AXL: variants seen among roughly 807,000 people sequenced by gnomAD.
AXL encodes tyrosine-protein kinase receptor UFO.
A neutral mutation model predicts 104.5 loss-of-function variants in AXL; 52 were observed. The observed-to-expected ratio is 0.50, with a 90% CI of 0.40 to 0.63. The LOEUF is 0.63. AXL is among the 20% of genes least tolerant of loss of function. The pLI is 0.00. For missense variants in AXL, 1,024 were observed against 1,188.5 expected (o/e 0.86, Z 2.04); for synonymous variants, 455 against 473.7 (o/e 0.96, Z 0.51).
rs1232208909 is a variant in AXL at position 41,219,346 on chromosome 19, C to A, written c.-47C>A. On this transcript the variant is annotated 5_prime_UTR_variant, in exon 1 of 20. Transcript: ENST00000301178. The stretch of plus-strand genomic sequence containing the variant: ...GGCCGGGGACAGCCCGGCCCTGCCC[C>A]CTCCCCCGCTGGGAGCCCAACAACT... 1.3e-6 allele frequency: 2 copies of A among 1,539,452 alleles called. No homozygotes were observed. The highest frequency in any genetic ancestry group is 2.4e-5 in the East Asian group (1 of 40,846).
intron 18 of AXL, 117 bp from the exon 19 acceptor site, chr19:41,257,376 C>G: frequency 7.3e-7 from 1 of 1,361,582 alleles, no homozygotes; most frequent in East Asian, 2.4e-5. Context: ...ACTTGTGATG[C>G]TCCCAGAGGA....
chr19:41,256,657 C>T, intron 18 of AXL, 46 bp downstream of exon 18: 2 of 1,602,384 alleles, frequency 1.2e-6, no homozygotes, highest in Non-Finnish European at 1.7e-6. Flanking sequence ...GAGGGCATGG[C>T]CTGACCATCA....
intron 4 of AXL, among the ~76,000 whole-genome samples, chr19:41,227,900 A>C (rs1266617185): frequency 1.3e-5 from 2 of 152,192 alleles, no homozygotes; most frequent in Non-Finnish European, 2.9e-5. Flanking sequence ...CAGATACAGC[A>C]CTGAGATGCT....
intron 12 of AXL, among the ~76,000 whole-genome samples, chr19:41,247,834 C>G (rs948421285): frequency 6.6e-6 from 1 of 151,864 alleles, no homozygotes; most frequent in Non-Finnish European, 1.5e-5. Flanking sequence ...ATCCACCGGC[C>G]TCTGCCTCCC....
Position 41,256,303 on chromosome 19 carries a change from C to T in AXL, c.2037-149C>T, listed in dbSNP as rs538905144. The T allele has an allele frequency of 1.4e-4, 130 of 917,534 alleles. No individual in the cohort carries two copies. The East Asian group carries it at 2.9e-3, about 20-fold the overall frequency. 56.8% of individuals were successfully genotyped at this position (917,534 alleles called of 1,614,324 possible). On this transcript the variant is annotated intron_variant, in intron 17 of 19. Coordinates refer to ENST00000301178, the MANE Select transcript of AXL (RefSeq NM_021913.5). The stretch of plus-strand genomic sequence containing the variant: ...GAACAAGAAGTAAAGCAGTTCCCTT[C>T]TGGACTGGGATGAAGGTTTAGGAGA...
chr19:41,225,846 G>T (rs975022523), intron 4 of AXL, among the ~76,000 whole-genome samples: 2 of 152,092 alleles, frequency 1.3e-5, no homozygotes, highest in African/African-American at 4.8e-5. Flanking sequence ...TGTGTGTGTG[G>T]GGGGGTTTGC....
chr19:41,219,545 G>T, intron 1 of AXL, 68 bp downstream of exon 1: 1 of 1,524,166 alleles, frequency 6.6e-7, no homozygotes, highest in Non-Finnish European at 8.9e-7. Flanking sequence ...AGGAGGTGGG[G>T]GATGATGGCA....
intron 3 of AXL, 106 bp downstream of exon 3, chr19:41,221,352 A>G (rs1350183740): frequency 1.0e-6 from 1 of 972,016 alleles, no homozygotes. Flanking sequence ...GTGCTGGAGG[A>G]TTCAGGATGA....
chr19:41,255,170 T>C (rs1439192358), intron 17 of AXL, among the ~76,000 whole-genome samples: 2 of 152,256 alleles, frequency 1.3e-5, no homozygotes, highest in Admixed American at 1.3e-4. Flanking sequence ...TACTGCTTTG[T>C]GTCTGGCTTC....
rs2033785864 is a variant in AXL at position 41,221,252 on chromosome 19, C to T, written c.409+6C>T. ...TGGCTATGTTGGGCTGGAGGGTGAGCTCTGGGGTCAGGGGTCCTGAGGGGT... is the reference window on the plus strand; with the variant it reads ...TGGCTATGTTGGGCTGGAGGGTGAGTTCTGGGGTCAGGGGTCCTGAGGGGT... On this transcript the variant is annotated splice_donor_region_variant and intron_variant, in intron 3 of 19. Transcript: ENST00000301178. The T allele has an allele frequency of 6.2e-7, 1 of 1,612,590 alleles. No homozygotes were observed. Among genetic ancestry groups the T allele is most frequent in the East Asian group, 2.2e-5 (1 of 44,860 alleles).
Position 41,252,837 on chromosome 19 carries a change from G to A in AXL, c.1805-9G>A. On this transcript the variant is annotated splice_polypyrimidine_tract_variant and intron_variant, in intron 15 of 19. Coordinates refer to ENST00000301178, the MANE Select transcript of AXL (RefSeq NM_021913.5). ...CAGCAGGAGTGACAGGGCTACCTGG[G>A]GGGCTCAGGTGTCTGTTTCCAGGGT... 6.2e-7 allele frequency: 1 copy of A among 1,613,752 alleles called. No homozygotes were observed.
chr19:41,246,731 T>C (rs1401616138), intron 12 of AXL, among the ~76,000 whole-genome samples: 1 of 152,072 alleles, frequency 6.6e-6, no homozygotes, highest in Non-Finnish European at 1.5e-5. Flanking sequence ...AATTTTTTTA[T>C]TTTTTTAGAG....
chr19:41,231,374 G>A (rs2033986312), intron 6 of AXL, 76 bp downstream of exon 6: 1 of 1,339,944 alleles, frequency 7.5e-7, no homozygotes, highest in Non-Finnish European at 1.0e-6. Context: ...TCCTCTCCCT[G>A]GGAACCCACC....
At chr19:41,220,377 A>G in intron 1 of AXL, 1 of 443,782 alleles carries the variant, frequency 2.3e-6, no homozygotes, top group Non-Finnish European at 4.1e-6. Flanking sequence ...CCTGCCAGGC[A>G]GTGCAGGGCG....
chr19:41,257,621 G>C lies in AXL; in HGVS notation c.2325G>C (p.Leu775=), dbSNP rs1441344537. Residue 775 remains leucine, a synonymous_variant, in exon 19 of 20, where the codon CTG becomes CTC. Coordinates refer to ENST00000301178, the MANE Select transcript of AXL (RefSeq NM_021913.5). Reference sequence around the variant, plus strand: ...GCCTGAAGCAGCCTGCGGACTGTCTGGATGGACTGTGAGGACCCTTAGGTC... The same window carrying C: ...GCCTGAAGCAGCCTGCGGACTGTCTCGATGGACTGTGAGGACCCTTAGGTC... ...GNRLKQPADC[L]DGLYALMSRC... The C allele has an allele frequency of 6.2e-7, 1 of 1,614,132 alleles. No homozygotes were observed. Among genetic ancestry groups the C allele is most frequent in the Non-Finnish European group, 8.5e-7 (1 of 1,180,018 alleles).
intron 10 of AXL, among the ~76,000 whole-genome samples, chr19:41,240,895 T>G (rs890429225): frequency 6.6e-6 from 1 of 152,034 alleles, no homozygotes; most frequent in Admixed American, 6.6e-5. Context: ...TCCCTCACCC[T>G]TCACTAATCC....
chr19:41,237,387 C>T (rs138000571), intron 6 of AXL, among the ~76,000 whole-genome samples: 1,594 of 152,188 alleles, frequency 0.01, 37 homozygotes, highest in African/African-American at 0.037. Flanking sequence ...GGATTACAGG[C>T]GAGCGCCACC....
chr19:41,244,895 G>A (rs2034245927), intron 12 of AXL, among the ~76,000 whole-genome samples: 1 of 151,954 alleles, frequency 6.6e-6, no homozygotes, highest in African/African-American at 2.4e-5. Flanking sequence ...TGGATAGCTG[G>A]GATTTGAACC....
In AXL at chr19:41,222,074, G is replaced by C. The variant is rs765310446; in HGVS notation, c.586+18G>C. The C allele has an allele frequency of 1.6e-4, 237 of 1,518,248 alleles. No homozygotes were observed. Among genetic ancestry groups the C allele is most frequent in the Non-Finnish European group, 2.1e-4 (236 of 1,136,572 alleles). The allele number at this position is 1,518,248 out of a possible 1,614,324, so 94.0% of individuals were successfully genotyped here. ...TGTTCCAGGTGAGTCCGGGGATGTG[G>C]GTCAGCTCCGAATAGGGGGCCGGGC... On this transcript the variant is annotated intron_variant, in intron 4 of 19. Coordinates refer to ENST00000301178, the MANE Select transcript of AXL (RefSeq NM_021913.5).
Sources: gnomAD v4.1 joint callset for allele counts (sites outside exome capture counted in the v4.1 genomes callset) on GRCh38, gnomAD v4.1.1 for gene constraint, MANE v1.5 for transcripts, NCBI Gene and HGNC (gene_info 2026-07-23, HGNC 2026-07-21) for gene names.